Variants in FAM174C observed in about 807,000 individuals in gnomAD.
FAM174C encodes protein FAM174C.
In FAM174C, 19 loss-of-function variants were observed where a neutral mutation model predicts 12.3. That is an observed-to-expected ratio of 1.55 (90% confidence interval 1.08 to 2.27). The LOEUF (loss-of-function observed/expected upper bound fraction) is 2.27, where lower values mean the gene tolerates loss of function less well. Among genes scored for constraint, FAM174C ranks in the 30% most tolerant of loss-of-function variants. The probability of loss-of-function intolerance (pLI) is 0.00; values close to 1 mark genes in which losing one functional copy is unlikely to be tolerated. For missense variants in FAM174C, 239 were observed against 190.2 expected, an observed-to-expected ratio of 1.26 and a Z score of -1.51; for synonymous variants, 147 against 103.5, an observed-to-expected ratio of 1.42 and a Z score of -2.55.
At position 1,275,691 on chromosome 19, in the gene FAM174C, G is replaced by A. The variant is rs1258621736; in HGVS notation, c.142G>A (p.Gly48Arg). ...TLSPPPAVTNGSQPGAPHNST... is the reference protein window; with the variant it reads ...TLSPPPAVTNRSQPGAPHNST... ...GTCGCCGCCGCCGGCCGTGACGAAC[G>A]GGAGCCAGCCGGGCGCGCCACACAA... is the stretch of plus-strand genomic sequence containing the variant. Residue 48 changes from glycine to arginine, a missense_variant, in exon 1 of 3, where the codon GGG (glycine) becomes AGG (arginine). Physicochemically the swap from Gly to Arg is moderately radical, Grantham distance 125. Coordinates refer to ENST00000409293, the MANE Select transcript of FAM174C (RefSeq NM_017914.4). 1.4e-6 allele frequency: 2 copies of A among 1,477,320 alleles called. No homozygotes were observed. The highest frequency in any genetic ancestry group is 3.0e-5 in the African/African-American group (2 of 67,166). 91.5% of individuals were successfully genotyped at this position (1,477,320 alleles called of 1,614,324 possible).
chr19:1,275,687 G>C lies in FAM174C; in HGVS notation c.138G>C (p.Thr46=), dbSNP rs2081408993. The C allele has an allele frequency of 6.8e-7, 1 of 1,473,410 alleles. No individual in the cohort carries two copies. 91.3% of individuals were successfully genotyped at this position (1,473,410 alleles called of 1,614,324 possible). ...QVTLSPPPAV[T]NGSQPGAPHN... Reference sequence around the variant, plus strand: ...CGTTGTCGCCGCCGCCGGCCGTGACGAACGGGAGCCAGCCGGGCGCGCCAC... The same window carrying C: ...CGTTGTCGCCGCCGCCGGCCGTGACCAACGGGAGCCAGCCGGGCGCGCCAC... The change falls in exon 1 of 3, where the codon ACG becomes ACC. Residue 46 remains threonine (T), a synonymous_variant. Transcript: ENST00000409293.
At position 1,279,205 on chromosome 19, in the gene FAM174C, A is replaced by T; in HGVS notation, c.*428A>T. On this transcript the variant is annotated 3_prime_UTR_variant, in exon 3 of 3. Transcript: ENST00000409293. ...AACACCTTCTCGCCGGGCTGGGAAC[A>T]ATAAATGCAGCCATGTCTCTGCAGC... 2 of 1,609,476 alleles carry T rather than the reference A, an allele frequency of 1.2e-6. No individual in the cohort carries two copies. Among genetic ancestry groups the T allele is most frequent in the Non-Finnish European group, 1.7e-6 (2 of 1,177,912 alleles).
chr19:1,278,319 G>C (rs1241797101), intron 2 of FAM174C, among the ~76,000 whole-genome samples: 1 of 128,692 alleles, frequency 7.8e-6, no homozygotes, highest in African/African-American at 2.9e-5. Context: ...GACTGGGGTA[G>C]GCCTGGGCAT....
chr19:1,277,400 A>C, intron 2 of FAM174C, 101 bp downstream of exon 2: 1 of 1,459,758 alleles, frequency 6.9e-7, no homozygotes, highest in Non-Finnish European at 9.2e-7. Context: ...GGTCCCTGCA[A>C]TCACAGCTGA....
At chr19:1,277,028 G>T (rs1002377493) in intron 1 of FAM174C, 155 bp from the exon 2 acceptor site, 2 of 1,178,916 alleles carry the variant, frequency 1.7e-6, no homozygotes, top group African/African-American at 3.1e-5. Flanking sequence ...TAATCACTTG[G>T]CGATTAGGAC....
At chr19:1,277,330 G>A (rs1272175988) in intron 2 of FAM174C, 31 bp downstream of exon 2, 5 of 1,527,528 alleles carry the variant, frequency 3.3e-6, no homozygotes, top group East Asian at 2.5e-5. Flanking sequence ...CTGGGGCCTC[G>A]GTGGGCAGGC....
At chr19:1,275,967 CGGTGCTGTGCGG>C in intron 1 of FAM174C, 137 bp downstream of exon 1, 1 of 804,044 alleles carries the variant, frequency 1.2e-6, no homozygotes, top group East Asian at 3.0e-5. Flanking sequence ...TGGGCGTGGG[CGGTGCTGTGCGG>C]GGTCGTCACG....
intron 1 of FAM174C, 73 bp from the exon 2 acceptor site, chr19:1,277,110 T>C: frequency 1.3e-6 from 2 of 1,490,954 alleles, no homozygotes. Context: ...AGGACGGCAA[T>C]GAGAGTCCTG....
chr19:1,279,196 G>C lies in FAM174C; in HGVS notation c.*419G>C. 1 of 1,611,078 alleles carries C rather than the reference G, an allele frequency of 6.2e-7. No homozygotes were observed. Among genetic ancestry groups the C allele is most frequent in the Non-Finnish European group, 8.5e-7 (1 of 1,178,760 alleles). On this transcript the variant is annotated 3_prime_UTR_variant, in exon 3 of 3. Coordinates refer to ENST00000409293, the MANE Select transcript of FAM174C (RefSeq NM_017914.4). The stretch of plus-strand genomic sequence containing the variant: ...CTTTCTGGGAACACCTTCTCGCCGG[G>C]CTGGGAACAATAAATGCAGCCATGT...
Position 1,278,799 on chromosome 19 carries a change from C to G in FAM174C, c.*22C>G, listed in dbSNP as rs774861186. 6.2e-7 allele frequency: 1 copy of G among 1,612,944 alleles called. No individual in the cohort carries two copies. The highest frequency in any genetic ancestry group is 2.2e-5 in the East Asian group (1 of 44,888). On this transcript the variant is annotated 3_prime_UTR_variant, in exon 3 of 3. Coordinates refer to ENST00000409293, the MANE Select transcript of FAM174C (RefSeq NM_017914.4). ...CAGATGCTGAGCCAGGGAGGCGGCC[C>G]TTCCAGCAGCCATGAGGGAAGGACA...
chr19:1,275,578 T>TGCTGCTGCTCCTGCTGGC lies in FAM174C; in HGVS notation c.39_56dup (p.Leu14_Leu19dup), dbSNP rs1435843130. 2.5e-4 allele frequency: 308 copies of TGCTGCTGCTCCTGCTGGC among 1,222,996 alleles called. No individual in the cohort carries two copies. Among genetic ancestry groups the TGCTGCTGCTCCTGCTGGC allele is most frequent in the Non-Finnish European group, 3.0e-4 (299 of 985,844 alleles). 75.8% of individuals were successfully genotyped at this position (1,222,996 alleles called of 1,614,324 possible). A position where few individuals can be genotyped will look rare whatever the true frequency, so the allele number is the denominator to read the frequency against. The stretch of plus-strand genomic sequence containing the variant: ...GGGCCGCGCGTGCTGCAGCCGCCGC[T>TGCTGCTGCTCCTGCTGGC]GCTGCTGCTCCTGCTGGCGCTGCTG... On this transcript the variant is annotated inframe_insertion, in exon 1 of 3. Coordinates refer to ENST00000409293, the MANE Select transcript of FAM174C (RefSeq NM_017914.4).
At chr19:1,277,513 A>G (rs1232108448) in intron 2 of FAM174C, among the ~76,000 whole-genome samples, 1 of 151,626 alleles carries the variant, frequency 6.6e-6, no homozygotes, top group Non-Finnish European at 1.5e-5. Flanking sequence ...TCATTTATTT[A>G]TTTTTGAGGT....
At chr19:1,278,342 C>T (rs980897374) in intron 2 of FAM174C, among the ~76,000 whole-genome samples, 3 of 151,990 alleles carry the variant, frequency 2.0e-5, no homozygotes, top group Non-Finnish European at 2.9e-5. Context: ...AGGCAGCTGT[C>T]AGGGGTTAGC....
intron 1 of FAM174C, chr19:1,276,151 C>T (rs1600041500): frequency 1.1e-5 from 4 of 369,904 alleles, no homozygotes; most frequent in East Asian, 5.4e-5. Context: ...CAGGCCCTGG[C>T]GGGGCGAGGG....
chr19:1,277,476 CT>C (rs937821535), intron 2 of FAM174C, among the ~76,000 whole-genome samples, 177 bp downstream of exon 2: 33 of 148,672 alleles, frequency 2.2e-4, no homozygotes, highest in East Asian at 5.9e-4. Flanking sequence ...CCATTTACAA[CT>C]TTTTTTTTTT....
chr19:1,277,356 G>C, intron 2 of FAM174C, 57 bp downstream of exon 2: 1 of 1,518,926 alleles, frequency 6.6e-7, no homozygotes, highest in Non-Finnish European at 8.9e-7. Flanking sequence ...TGGAGACTCA[G>C]CAGGACCCTG....
At chr19:1,278,663 G>C (rs1050191770) in intron 2 of FAM174C, 114 bp from the exon 3 acceptor site, 4 of 1,531,148 alleles carry the variant, frequency 2.6e-6, no homozygotes, top group African/African-American at 1.4e-5. Flanking sequence ...GCTGGGCCCT[G>C]GTAGACCGAG....
intron 2 of FAM174C, among the ~76,000 whole-genome samples, chr19:1,278,349 T>C (rs2081424751): frequency 6.6e-6 from 1 of 151,932 alleles, no homozygotes; most frequent in East Asian, 1.9e-4. Context: ...TGTCAGGGGT[T>C]AGCAGGGTTC....
At chr19:1,278,112 T>C (rs571597331) in intron 2 of FAM174C, among the ~76,000 whole-genome samples, 1 of 20,736 alleles carries the variant, frequency 4.8e-5, no homozygotes, top group Admixed American at 6.4e-4. Flanking sequence ...GCTGCAGGGC[T>C]TAGGGTAGTG....
Sources: gnomAD v4.1 joint callset for allele counts (sites outside exome capture counted in the v4.1 genomes callset) on GRCh38, gnomAD v4.1.1 for gene constraint, MANE v1.5 for transcripts, NCBI Gene and HGNC (gene_info 2026-07-23, HGNC 2026-07-21) for gene names.